FBXL7: variants seen among roughly 807,000 people sequenced by gnomAD.
FBXL7 encodes the protein F-box/LRR-repeat protein 7.
In FBXL7, 12 loss-of-function variants were observed where a neutral mutation model predicts 38.3. That is an observed-to-expected ratio of 0.31 (90% CI 0.20 to 0.51). The LOEUF is 0.51. Ranked by LOEUF, FBXL7 falls within the 20% of genes least tolerant of loss-of-function variation. FBXL7 has a pLI of 0.98. For missense variants in FBXL7, 567 were observed against 676.4 expected (o/e 0.84, Z 1.79); for synonymous variants, 297 against 300.9 (o/e 0.99, Z 0.13).
rs551182179 is a variant in FBXL7 at position 15,638,377 on chromosome 5, T to A, written c.127+22305T>A. On this transcript the variant is annotated intron_variant, in intron 2 of 3. Coordinates refer to ENST00000504595, the MANE Select transcript of FBXL7 (RefSeq NM_012304.5). ...GAACATTGGTCATTTATCCCCAGGC[T>A]ATTCAGTGTGGGATCTGGGATCAGC... 2.9e-3 allele frequency among the ~76,000 whole-genome samples: 442 copies of A among 152,206 alleles called. 1 individual carries two copies. Among genetic ancestry groups the A allele is most frequent in the Non-Finnish European group, 2.4e-3 (163 of 68,034 alleles).
intron 2 of FBXL7, among the ~76,000 whole-genome samples, chr5:15,774,353 A>T (rs961544370): frequency 6.6e-6 from 1 of 152,188 alleles, no homozygotes. Flanking sequence ...CCATTTTACC[A>T]GGGGAAGAAG....
Position 15,928,352 on chromosome 5 carries a change from G to A in FBXL7, c.590G>A (p.Arg197Lys). Residue 197 changes from arginine (R) to lysine (K), a missense_variant, in exon 3 of 4, where the codon AGG becomes AAG. By Grantham distance (26) the Arg-to-Lys change is conservative. Transcript: ENST00000504595. This position sits in a 1 kb window ranked among gnomAD's most constrained non-coding sequence, Gnocchi z 4.0. ...GAAACCGTAACTGTCAGTGGCTGCA[G>A]GCGGCTCACAGACCGAGGGCTGTAC... is the stretch of plus-strand genomic sequence containing the variant. ...MLETVTVSGC[R>K]RLTDRGLYTI... 6.2e-7 allele frequency: 1 copy of A among 1,613,986 alleles called. No individual in the cohort carries two copies. The highest frequency in any genetic ancestry group is 8.5e-7 in the Non-Finnish European group (1 of 1,179,890).
chr5:15,690,418 ATAG>A (rs1451855157), intron 2 of FBXL7, among the ~76,000 whole-genome samples: 1 of 152,186 alleles, frequency 6.6e-6, no homozygotes, highest in Non-Finnish European at 1.5e-5. Flanking sequence ...TAGTTGACAC[ATAG>A]TAATTTTACA....
chr5:15,552,141 A>G (rs962502340), intron 1 of FBXL7, among the ~76,000 whole-genome samples: 1 of 152,208 alleles, frequency 6.6e-6, no homozygotes, highest in Non-Finnish European at 1.5e-5. Flanking sequence ...GCTATACTAC[A>G]CTATGCTATA....
intron 1 of FBXL7, among the ~76,000 whole-genome samples, chr5:15,525,826 A>G (rs181230483): frequency 6.6e-6 from 1 of 152,232 alleles, no homozygotes; most frequent in Non-Finnish European, 1.5e-5. Context: ...CATCTCTCTG[A>G]CTCACCTCTG....
intron 1 of FBXL7, among the ~76,000 whole-genome samples, chr5:15,551,900 C>G (rs973946066): frequency 6.6e-6 from 1 of 152,198 alleles, no homozygotes; most frequent in African/African-American, 2.4e-5. Flanking sequence ...TAAAGAGTCC[C>G]TTTCCTTCCA....
chr5:15,832,085 C>T (rs77857755), intron 2 of FBXL7, among the ~76,000 whole-genome samples: 1,771 of 152,270 alleles, frequency 0.012, 17 homozygotes, highest in Non-Finnish European at 0.015. Context: ...ATGGAACCTA[C>T]ACATCTGGGA....
At chr5:15,554,213 C>T (rs558478441) in intron 1 of FBXL7, among the ~76,000 whole-genome samples, 2 of 152,250 alleles carry the variant, frequency 1.3e-5, no homozygotes, top group African/African-American at 2.4e-5. Context: ...GAGCCGCCAT[C>T]CCTGAGGCAT....
chr5:15,619,374 G>A (rs1027758920), intron 2 of FBXL7, among the ~76,000 whole-genome samples: 8 of 152,154 alleles, frequency 5.3e-5, no homozygotes, highest in African/African-American at 1.9e-4. Flanking sequence ...AACCGTCACC[G>A]ACATTTCTAG....
intron 2 of FBXL7, among the ~76,000 whole-genome samples, chr5:15,675,030 A>G (rs1196758552): frequency 6.6e-6 from 1 of 152,196 alleles, no homozygotes; most frequent in Non-Finnish European, 1.5e-5. Context: ...GAACTGCCAC[A>G]GGCGAGGTCA....
In FBXL7 at chr5:15,740,651, G is replaced by A. The variant is rs138351199; in HGVS notation, c.127+124579G>A. Among the ~76,000 whole-genome samples, 527 of 152,252 alleles carry A rather than the reference G, an allele frequency of 3.5e-3. 2 individuals carry two copies. The highest frequency in any genetic ancestry group is 0.012 in the African/African-American group (484 of 41,542). ...GAGAAATTATTTTTGCTGGCAAATGGTTGTGTTTTTTTCCAGTCCCCTTAA... is the reference window on the plus strand; with the variant it reads ...GAGAAATTATTTTTGCTGGCAAATGATTGTGTTTTTTTCCAGTCCCCTTAA... On this transcript the variant is annotated intron_variant, in intron 2 of 3. Coordinates refer to ENST00000504595, the MANE Select transcript of FBXL7 (RefSeq NM_012304.5).
intron 2 of FBXL7, among the ~76,000 whole-genome samples, chr5:15,640,521 TG>T (rs1164667815): frequency 3.7e-4 from 53 of 141,860 alleles, no homozygotes; most frequent in Admixed American, 1.1e-3. Context: ...GTTAGGGCTT[TG>T]TTTTTTTTTG....
intron 2 of FBXL7, among the ~76,000 whole-genome samples, chr5:15,814,540 C>T (rs1412358132): frequency 1.3e-5 from 2 of 151,710 alleles, no homozygotes; most frequent in African/African-American, 4.8e-5. Context: ...TCTGCATGTT[C>T]TACACATGTA....
chr5:15,804,213 A>G (rs1238585130), intron 2 of FBXL7, among the ~76,000 whole-genome samples: 2 of 152,168 alleles, frequency 1.3e-5, no homozygotes, highest in East Asian at 3.9e-4. Flanking sequence ...AACACATATA[A>G]TCCCAACACT....
intron 2 of FBXL7, among the ~76,000 whole-genome samples, chr5:15,804,473 A>G (rs1257219932): frequency 6.6e-6 from 1 of 152,162 alleles, no homozygotes; most frequent in Non-Finnish European, 1.5e-5. Context: ...TGTCTCTAAA[A>G]TAAATAAATA....
chr5:15,793,236 A>AC (rs1037118831), intron 2 of FBXL7, among the ~76,000 whole-genome samples: 34 of 152,302 alleles, frequency 2.2e-4, no homozygotes, highest in African/African-American at 7.9e-4. Context: ...CCTTGAAACA[A>AC]CAGAAGTTTA....
At chr5:15,607,698 A>G (rs903238051) in intron 1 of FBXL7, among the ~76,000 whole-genome samples, 1 of 152,226 alleles carries the variant, frequency 6.6e-6, no homozygotes, top group Non-Finnish European at 1.5e-5. Context: ...TTCTGCTAAC[A>G]TTGCTGAGTT....
At chr5:15,832,242 C>T (rs889275023) in intron 2 of FBXL7, among the ~76,000 whole-genome samples, 3 of 152,074 alleles carry the variant, frequency 2.0e-5, no homozygotes, top group Non-Finnish European at 4.4e-5. Flanking sequence ...TATGCTGCCT[C>T]AGTAGCAGAG....
rs535551229 is a variant in FBXL7, at chr5:15,856,787, T to A, written c.128-71103T>A. On this transcript the variant is annotated intron_variant, in intron 2 of 3. Coordinates refer to ENST00000504595, the MANE Select transcript of FBXL7 (RefSeq NM_012304.5). The stretch of plus-strand genomic sequence containing the variant: ...AATGTGACCATGATATACATACTTG[T>A]GTTTTTCCACTTGGCTGTTTACTTC... 8.5e-4 allele frequency among the ~76,000 whole-genome samples: 129 copies of A among 152,256 alleles called. 1 individual carries two copies. The highest frequency in any genetic ancestry group is 3.1e-3 in the African/African-American group (129 of 41,554).
Sources: allele counts gnomAD v4.1 joint callset (sites outside exome capture counted in the v4.1 genomes callset), GRCh38; gene constraint gnomAD v4.1.1; non-coding constraint Gnocchi (gnomAD v3.1); transcripts MANE v1.5; gene names NCBI Gene and HGNC (gene_info 2026-07-23, HGNC 2026-07-21).